Variants in EEFSEC observed in about 807,000 individuals in gnomAD.
EEFSEC encodes eukaryotic elongation factor, selenocysteine-tRNA specific.
EEFSEC carries 43 observed loss-of-function variants against 42.1 expected under a neutral mutation model. The ratio of observed to expected loss-of-function variants is 1.02; its 90% CI spans 0.80 to 1.32. EEFSEC has a LOEUF of 1.32. Among genes scored for constraint, EEFSEC ranks in the 40% most tolerant of loss-of-function variants. The probability of loss-of-function intolerance (pLI) is 0.00; values close to 1 mark genes in which losing one functional copy is unlikely to be tolerated. For missense variants in EEFSEC, 745 were observed against 803.6 expected (o/e 0.93, Z 0.88); for synonymous variants, 354 against 339.1 (o/e 1.04, Z -0.48).
intron 4 of EEFSEC, among the ~76,000 whole-genome samples, chr3:128,283,061 T>TC: frequency 6.6e-6 from 1 of 152,374 alleles, no homozygotes; most frequent in South Asian, 2.1e-4. Flanking sequence ...CACAGCTCTT[T>TC]CTCCCCATCA....
At chr3:128,335,011 G>A (rs1051665573) in intron 4 of EEFSEC, among the ~76,000 whole-genome samples, 3 of 152,206 alleles carry the variant, frequency 2.0e-5, no homozygotes, top group African/African-American at 7.2e-5. Flanking sequence ...TTGGGGTTTT[G>A]TGGATCCTCT....
chr3:128,217,745 A>G (rs1297227643), intron 1 of EEFSEC, among the ~76,000 whole-genome samples: 1 of 152,266 alleles, frequency 6.6e-6, no homozygotes, highest in Middle Eastern at 3.4e-3. Context: ...TCTTTTCCAC[A>G]CTTGCTGTGA....
intron 1 of EEFSEC, among the ~76,000 whole-genome samples, chr3:128,232,216 A>C (rs1029784437): frequency 1.7e-4 from 26 of 152,180 alleles, no homozygotes; most frequent in African/African-American, 5.5e-4. Flanking sequence ...GGTGGGGGGA[A>C]GTTTTCATAC....
chr3:128,287,357 G>A (rs7610750), intron 4 of EEFSEC, among the ~76,000 whole-genome samples: 2 of 152,154 alleles, frequency 1.3e-5, no homozygotes, highest in African/African-American at 4.8e-5. Flanking sequence ...TGGAATCTGG[G>A]GGCCCTGGGA....
intron 6 of EEFSEC, among the ~76,000 whole-genome samples, chr3:128,365,502 G>A (rs1466190296): frequency 6.6e-6 from 1 of 152,164 alleles, no homozygotes; most frequent in Non-Finnish European, 1.5e-5. Context: ...AGAATCCCTG[G>A]AGAGGACTGC....
chr3:128,294,729 G>GA, intron 4 of EEFSEC, among the ~76,000 whole-genome samples: 1 of 152,342 alleles, frequency 6.6e-6, no homozygotes, highest in Middle Eastern at 3.4e-3. Context: ...TTACTAAGTG[G>GA]AAAAGGTAAG....
At chr3:128,228,680 T>A (rs1311971834) in intron 1 of EEFSEC, among the ~76,000 whole-genome samples, 8 of 150,796 alleles carry the variant, frequency 5.3e-5, no homozygotes, top group African/African-American at 2.0e-4. Flanking sequence ...CTGAGTGGGG[T>A]CTGATCCTGT....
chr3:128,355,231 A>G (rs2067437661), intron 5 of EEFSEC, among the ~76,000 whole-genome samples: 1 of 152,206 alleles, frequency 6.6e-6, no homozygotes, highest in African/African-American at 2.4e-5. Context: ...CAGATAGGTC[A>G]GCTGTCAGGG....
intron 4 of EEFSEC, among the ~76,000 whole-genome samples, chr3:128,287,498 T>C (rs2066598630): frequency 6.6e-6 from 1 of 152,206 alleles, no homozygotes; most frequent in Non-Finnish European, 1.5e-5. Context: ...CAACATGCAC[T>C]GGATTCTAAA....
chr3:128,362,390 C>A (rs2067537854), intron 6 of EEFSEC: 1 of 417,166 alleles, frequency 2.4e-6, no homozygotes. Flanking sequence ...TGGGCATTTA[C>A]TCTAGGACAG....
At chr3:128,261,788 T>C (rs903853398) in intron 2 of EEFSEC, among the ~76,000 whole-genome samples, 17 of 152,310 alleles carry the variant, frequency 1.1e-4, no homozygotes, top group African/African-American at 3.4e-4. Flanking sequence ...GATGTATTTA[T>C]TGGTCTTCTT....
At chr3:128,217,755 A>T (rs999314241) in intron 1 of EEFSEC, among the ~76,000 whole-genome samples, 10 of 152,182 alleles carry the variant, frequency 6.6e-5, no homozygotes, top group African/African-American at 1.9e-4. Context: ...ACTTGCTGTG[A>T]TTATTGTCCT....
chr3:128,357,664 G>A (rs773262012), intron 5 of EEFSEC, among the ~76,000 whole-genome samples: 1 of 152,144 alleles, frequency 6.6e-6, no homozygotes, highest in Non-Finnish European at 1.5e-5. Context: ...TCCTGTGGGA[G>A]GGGAAACCAG....
chr3:128,161,703 T>C (rs1202341605), intron 1 of EEFSEC, among the ~76,000 whole-genome samples: 1 of 152,246 alleles, frequency 6.6e-6, no homozygotes, highest in Non-Finnish European at 1.5e-5. Flanking sequence ...CCTTCTGTGT[T>C]CTTGGCGCCC....
intron 1 of EEFSEC, among the ~76,000 whole-genome samples, chr3:128,155,101 GTTTTTTGT>G (rs765957023): frequency 2.5e-3 from 374 of 151,978 alleles, no homozygotes; most frequent in African/African-American, 6.9e-3. Context: ...GAAAAGACCC[GTTTTTTGT>G]TTTTTTGTTT....
chr3:128,407,282 G>A (rs888268745), intron 6 of EEFSEC, among the ~76,000 whole-genome samples: 18 of 152,228 alleles, frequency 1.2e-4, no homozygotes, highest in Non-Finnish European at 2.5e-4. Context: ...AAGCGGTGGG[G>A]GCTGCACCCA....
intron 1 of EEFSEC, among the ~76,000 whole-genome samples, chr3:128,241,323 C>T (rs556774585): frequency 8.7e-5 from 13 of 148,834 alleles, no homozygotes; most frequent in Non-Finnish European, 1.9e-4. Context: ...GATTATCCTA[C>T]CTTAGCCTCC....
At chr3:128,193,374 C>T (rs890640357) in intron 1 of EEFSEC, among the ~76,000 whole-genome samples, 1 of 152,200 alleles carries the variant, frequency 6.6e-6, no homozygotes, top group Non-Finnish European at 1.5e-5. Context: ...GGGTGTTGCT[C>T]TCTGCAGAGC....
chr3:128,300,918 AT>A (rs11368911), intron 4 of EEFSEC, among the ~76,000 whole-genome samples: 12 of 150,826 alleles, frequency 8.0e-5, no homozygotes, highest in Admixed American at 3.3e-4. Flanking sequence ...ATGCTTGGGT[AT>A]TTTTTTTTGC....
Sources: gnomAD v4.1 joint callset for allele counts (sites outside exome capture counted in the v4.1 genomes callset) on GRCh38, gnomAD v4.1.1 for gene constraint, MANE v1.5 for transcripts, NCBI Gene and HGNC (gene_info 2026-07-23, HGNC 2026-07-21) for gene names.